The following ROBO1 variants were observed in gnomAD, a reference collection of about 807,000 sequenced individuals.
The protein encoded by ROBO1 is roundabout guidance receptor 1.
Under a neutral mutation model 195.9 loss-of-function variants are expected in ROBO1, and 149 were observed. The ratio of observed to expected loss-of-function variants is 0.76; its 90% CI spans 0.67 to 0.87. The LOEUF is 0.87. Ranked by LOEUF, ROBO1 falls within the 40% of genes least tolerant of loss-of-function variation. The probability of loss-of-function intolerance (pLI) is 0.00; values close to 1 mark genes in which losing one functional copy is unlikely to be tolerated. For missense variants in ROBO1, 1,933 were observed against 2,068.3 expected (o/e 0.93, Z 1.27); for synonymous variants, 816 against 733.2 (o/e 1.11, Z -1.82).
At chr3:79,365,683 GTC>G (rs2035945581) in intron 2 of ROBO1, among the ~76,000 whole-genome samples, 1 of 152,024 alleles carries the variant, frequency 6.6e-6, no homozygotes, top group South Asian at 2.1e-4. Context: ...GGATCACGAG[GTC>G]AGGAGATCGA....
chr3:78,776,558 T>C (rs1335628653), intron 4 of ROBO1, among the ~76,000 whole-genome samples: 1 of 152,204 alleles, frequency 6.6e-6, no homozygotes, highest in African/African-American at 2.4e-5. Context: ...CCAAAATGCT[T>C]TAATGGAGTT....
chr3:79,373,022 A>G (rs2036256064), intron 2 of ROBO1, among the ~76,000 whole-genome samples: 5 of 152,142 alleles, frequency 3.3e-5, no homozygotes, highest in Admixed American at 3.3e-4. Flanking sequence ...GTGAACCAGA[A>G]AACACATTTC....
At chr3:78,697,789 G>T (rs1242996254) in intron 8 of ROBO1, among the ~76,000 whole-genome samples, 1 of 152,106 alleles carries the variant, frequency 6.6e-6, no homozygotes, top group East Asian at 1.9e-4. Flanking sequence ...TATAATGACA[G>T]AAGATTGCTA....
At chr3:79,753,602 T>C (rs1363297378) in intron 1 of ROBO1, among the ~76,000 whole-genome samples, 1 of 152,180 alleles carries the variant, frequency 6.6e-6, no homozygotes, top group Admixed American at 6.6e-5. Flanking sequence ...CAATTATTAT[T>C]ATTAATACCA....
chr3:79,706,578 G>C (rs72899811), intron 1 of ROBO1, among the ~76,000 whole-genome samples: 21 of 152,156 alleles, frequency 1.4e-4, no homozygotes, highest in African/African-American at 4.8e-4. Flanking sequence ...CCGGTAGGGG[G>C]TAATTAAGTC....
intron 3 of ROBO1, among the ~76,000 whole-genome samples, chr3:78,977,411 C>A (rs910877844): frequency 6.6e-6 from 1 of 151,922 alleles, no homozygotes; most frequent in Non-Finnish European, 1.5e-5. Flanking sequence ...GAAATGATTT[C>A]TTCCTGAAAT....
chr3:79,300,698 G>A (rs1372321812), intron 2 of ROBO1, among the ~76,000 whole-genome samples: 1 of 152,202 alleles, frequency 6.6e-6, no homozygotes, highest in Non-Finnish European at 1.5e-5. Flanking sequence ...GTGGGGAGGT[G>A]GAGAACCTTT....
intron 2 of ROBO1, among the ~76,000 whole-genome samples, chr3:79,138,902 T>G (rs562980472): frequency 1.3e-5 from 2 of 151,990 alleles, no homozygotes; most frequent in African/African-American, 4.8e-5. Flanking sequence ...AGGCTGCTCT[T>G]GAAATTAAAG....
intron 2 of ROBO1, among the ~76,000 whole-genome samples, chr3:79,506,298 G>A (rs769388363): frequency 1.3e-5 from 2 of 152,136 alleles, no homozygotes; most frequent in Non-Finnish European, 2.9e-5. Context: ...ATGTCAAATC[G>A]TAAGATGCCT....
chr3:79,212,111 G>A (rs779899998), intron 2 of ROBO1, among the ~76,000 whole-genome samples: 4 of 152,300 alleles, frequency 2.6e-5, no homozygotes, highest in Non-Finnish European at 5.9e-5. Flanking sequence ...GTTTAAGAAC[G>A]CCTTTAAGCA....
intron 2 of ROBO1, among the ~76,000 whole-genome samples, chr3:79,177,367 T>A (rs1296321541): frequency 1.3e-5 from 2 of 152,250 alleles, no homozygotes; most frequent in African/African-American, 2.4e-5. Context: ...TTGCCTCAGA[T>A]GGAGTGCTGT....
At chr3:79,055,696 C>T (rs1415808833) in intron 3 of ROBO1, among the ~76,000 whole-genome samples, 1 of 152,078 alleles carries the variant, frequency 6.6e-6, no homozygotes, top group Non-Finnish European at 1.5e-5. Context: ...GGAGTTTGTT[C>T]CTGGACTCGG....
At chr3:79,127,284 G>C (rs2080234473) in intron 2 of ROBO1, among the ~76,000 whole-genome samples, 2 of 152,158 alleles carry the variant, frequency 1.3e-5, no homozygotes, top group African/African-American at 4.8e-5. Flanking sequence ...ACAATGTTCT[G>C]TCACAAGTCA....
At chr3:79,101,142 A>C (rs1208355997) in intron 3 of ROBO1, among the ~76,000 whole-genome samples, 1 of 151,776 alleles carries the variant, frequency 6.6e-6, no homozygotes. Flanking sequence ...TCATTTTTAA[A>C]AAACACAGAT....
At position 78,719,539 on chromosome 3, in the gene ROBO1, A is replaced by C. The variant is rs546734827; in HGVS notation, c.658-1656T>G. ...GTTTATATATACATATACACATATA[A>C]ACATATATACATACACATAATTTTT... On this transcript the variant is annotated intron_variant, in intron 5 of 30. Transcript: ENST00000464233. Among the ~76,000 whole-genome samples, 57 of 152,250 alleles carry C rather than the reference A, an allele frequency of 3.7e-4. 1 individual carries two copies. The highest frequency in any genetic ancestry group is 1.0e-3 in the South Asian group (5 of 4,826).
At chr3:79,489,854 G>A (rs1939362820) in intron 2 of ROBO1, among the ~76,000 whole-genome samples, 1 of 151,996 alleles carries the variant, frequency 6.6e-6, no homozygotes, top group Admixed American at 6.6e-5. Flanking sequence ...CCCAGTGTGT[G>A]CAGCTGCAAT....
chr3:78,822,782 A>C (rs2031140068), intron 4 of ROBO1, among the ~76,000 whole-genome samples: 1 of 152,238 alleles, frequency 6.6e-6, no homozygotes, highest in South Asian at 2.1e-4. Context: ...AAAAGCATGC[A>C]AATATTTTCC....
chr3:78,735,787 C>T (rs986698561), intron 5 of ROBO1, among the ~76,000 whole-genome samples: 9 of 152,004 alleles, frequency 5.9e-5, no homozygotes, highest in African/African-American at 1.9e-4. Context: ...TAAGATATAT[C>T]GTAATCAAAT....
intron 2 of ROBO1, among the ~76,000 whole-genome samples, chr3:79,345,766 G>T (rs1023499380): frequency 5.3e-5 from 8 of 152,072 alleles, no homozygotes; most frequent in African/African-American, 1.7e-4. Flanking sequence ...ATACATTCCA[G>T]GGTAATGAAC....
Sources: gnomAD v4.1 joint callset for allele counts (sites outside exome capture counted in the v4.1 genomes callset) on GRCh38, gnomAD v4.1.1 for gene constraint, MANE v1.5 for transcripts, NCBI Gene and HGNC (gene_info 2026-07-23, HGNC 2026-07-21) for gene names.